The following USH2A variants were observed in gnomAD, a reference collection of about 807,000 sequenced individuals.
The protein encoded by USH2A is Usher syndrome 2A (autosomal recessive, mild).
A neutral mutation model predicts 538.9 loss-of-function variants in USH2A; 443 were observed. That is an observed-to-expected ratio of 0.82 (90% confidence interval 0.76 to 0.89). USH2A has a LOEUF of 0.89. USH2A is among the 40% of genes least tolerant of loss of function. USH2A has a pLI of 0.00. For synonymous variants in USH2A, 2,413 were observed against 2,273.5 expected (o/e 1.06, Z -1.75); for missense variants, 6,633 against 6,324.8 (o/e 1.05, Z -1.65).
At position 216,014,214 on chromosome 1, in the gene USH2A, A is replaced by G. The variant is rs540471415; in HGVS notation, c.6326-13652T>C. Among the ~76,000 whole-genome samples the G allele has an allele frequency of 4.9e-4, 75 of 152,240 alleles. 1 individual carries two copies. Among genetic ancestry groups the G allele is most frequent in the Middle Eastern group, 3.4e-3 (1 of 294 alleles). On this transcript the variant is annotated intron_variant, in intron 32 of 71. Coordinates refer to ENST00000307340, the MANE Select transcript of USH2A (RefSeq NM_206933.4). ...GAAAGGGAAAAAAATGGAGAAGAGG[A>G]GGAGGCATCAGGTTGGGCGTGGGGG... is the stretch of plus-strand genomic sequence containing the variant.
intron 60 of USH2A, among the ~76,000 whole-genome samples, chr1:215,733,902 C>CT (rs1266920483): frequency 2.0e-5 from 3 of 152,206 alleles, no homozygotes; most frequent in Non-Finnish European, 4.4e-5. Context: ...ATCCCTATGG[C>CT]TTTTTTCAGG....
intron 21 of USH2A, among the ~76,000 whole-genome samples, chr1:216,132,326 C>T (rs2033392947): frequency 6.6e-6 from 1 of 152,034 alleles, no homozygotes; most frequent in African/African-American, 2.4e-5. Flanking sequence ...ACTGAACACT[C>T]ATTGGAGGCC....
chr1:215,697,537 T>C (rs920740146), intron 61 of USH2A, among the ~76,000 whole-genome samples: 6 of 148,628 alleles, frequency 4.0e-5, no homozygotes, highest in African/African-American at 1.5e-4. Flanking sequence ...ATTTTTTTTG[T>C]TGAGATGGAG....
chr1:215,703,316 T>C lies in USH2A; in HGVS notation c.12067-22940A>G, dbSNP rs1659086550. 2.0e-5 allele frequency among the ~76,000 whole-genome samples: 3 copies of C among 152,214 alleles called. No individual in the cohort carries two copies. In the South Asian group the frequency reaches 6.2e-4, roughly 32 times the overall value. ...CAGGGACGCACTTGAGGAGGCAGTC[T>C]GTCCCTTAGCGGAGCTCAAGTGCTG... is the stretch of plus-strand genomic sequence containing the variant. On this transcript the variant is annotated intron_variant, in intron 61 of 71. Coordinates refer to ENST00000307340, the MANE Select transcript of USH2A (RefSeq NM_206933.4).
At chr1:215,848,653 G>A (rs879110823) in intron 44 of USH2A, among the ~76,000 whole-genome samples, 1 of 152,164 alleles carries the variant, frequency 6.6e-6, no homozygotes, top group Non-Finnish European at 1.5e-5. Flanking sequence ...AGGCTCTTGA[G>A]AACAGAAACA....
intron 34 of USH2A, among the ~76,000 whole-genome samples, chr1:215,996,561 T>G (rs1023196722): frequency 2.3e-4 from 2 of 8,798 alleles, no homozygotes; most frequent in East Asian, 6.5e-3. Flanking sequence ...ACATATTATG[T>G]TTTTTTTTTT....
intron 56 of USH2A, among the ~76,000 whole-genome samples, chr1:215,764,055 T>A (rs747204645): frequency 7.9e-5 from 12 of 152,080 alleles, no homozygotes; most frequent in Non-Finnish European, 1.3e-4. Context: ...GTACTGAGGT[T>A]AAAGTTTTTG....
At chr1:216,289,772 G>A (rs1482566426) in intron 10 of USH2A, among the ~76,000 whole-genome samples, 1 of 152,030 alleles carries the variant, frequency 6.6e-6, no homozygotes. Flanking sequence ...CTACATATGT[G>A]GTAGATGATA....
At chr1:215,670,915 C>T in intron 64 of USH2A, 57 bp downstream of exon 64, 2 of 1,540,122 alleles carry the variant, frequency 1.3e-6, no homozygotes, top group Non-Finnish European at 1.8e-6. Context: ...TTTTTACAGG[C>T]AGGTGCTGAC....
At chr1:215,845,163 T>C (rs919744533) in intron 45 of USH2A, among the ~76,000 whole-genome samples, 3 of 152,174 alleles carry the variant, frequency 2.0e-5, no homozygotes, top group Non-Finnish European at 4.4e-5. Flanking sequence ...CCTTGTGATC[T>C]ACCCTATTTT....
chr1:216,321,979 G>A lies in USH2A; in HGVS notation c.1551-3C>T. 1.9e-6 allele frequency: 3 copies of A among 1,613,686 alleles called. No individual in the cohort carries two copies. Among genetic ancestry groups the A allele is most frequent in the Non-Finnish European group, 2.5e-6 (3 of 1,179,756 alleles). On this transcript the variant is annotated splice_region_variant and splice_polypyrimidine_tract_variant and intron_variant, in intron 8 of 71. Coordinates refer to ENST00000307340, the MANE Select transcript of USH2A (RefSeq NM_206933.4). ...CGGCATGACCATGGCACTGACATCT[G>A]CAAACATGAGCATCACACACTCCTA...
chr1:216,151,992 G>C (rs2033844859), intron 21 of USH2A, among the ~76,000 whole-genome samples: 1 of 151,838 alleles, frequency 6.6e-6, no homozygotes, highest in Admixed American at 6.6e-5. Flanking sequence ...TACGACAAAT[G>C]TTTCTTCTAA....
intron 43 of USH2A, among the ~76,000 whole-genome samples, chr1:215,873,473 G>A (rs2102446503): frequency 1.3e-5 from 2 of 152,254 alleles, no homozygotes; most frequent in East Asian, 3.9e-4. Flanking sequence ...AGATGCAGAT[G>A]TCATCTATAC....
chr1:216,264,706 C>T (rs1258422604), intron 11 of USH2A, among the ~76,000 whole-genome samples: 2 of 152,168 alleles, frequency 1.3e-5, no homozygotes, highest in East Asian at 3.9e-4. Flanking sequence ...ATGATACTGT[C>T]GTAAAACAGA....
intron 60 of USH2A, among the ~76,000 whole-genome samples, chr1:215,729,317 C>T (rs1474004207): frequency 6.6e-6 from 1 of 152,190 alleles, no homozygotes; most frequent in Non-Finnish European, 1.5e-5. Context: ...TTTAAATTCA[C>T]TTCTTAGATG....
intron 4 of USH2A, among the ~76,000 whole-genome samples, chr1:216,330,102 A>G (rs2037824693): frequency 6.6e-6 from 1 of 152,084 alleles, no homozygotes; most frequent in South Asian, 2.1e-4. Flanking sequence ...ATGTTGCTAA[A>G]GCCTGAACCA....
At chr1:215,887,548 T>C (rs76363249) in intron 41 of USH2A, among the ~76,000 whole-genome samples, 10,413 of 152,292 alleles carry the variant, frequency 0.068, 410 homozygotes, top group Admixed American at 0.1. Flanking sequence ...GTGTGTTGCT[T>C]TGACCAGCTT....
At chr1:215,997,606 A>C (rs2102480867) in intron 34 of USH2A, among the ~76,000 whole-genome samples, 1 of 151,870 alleles carries the variant, frequency 6.6e-6, no homozygotes, top group Non-Finnish European at 1.5e-5. Flanking sequence ...ATATGAATTG[A>C]TTGACTGCAC....
At chr1:215,788,793 A>C (rs11120628) in intron 51 of USH2A, among the ~76,000 whole-genome samples, 53,035 of 151,992 alleles carry the variant, frequency 0.35, 9,442 homozygotes, top group African/African-American at 0.41. Flanking sequence ...TATCAGACCA[A>C]ACTATCAATC....
Sources: allele counts gnomAD v4.1 joint callset (sites outside exome capture counted in the v4.1 genomes callset), GRCh38; gene constraint gnomAD v4.1.1; transcripts MANE v1.5; gene names NCBI Gene and HGNC (gene_info 2026-07-23, HGNC 2026-07-21).